RASSF3: variants seen among roughly 807,000 people sequenced by gnomAD.
RASSF3 encodes the protein Ras association domain family member 3.
In RASSF3, 19 loss-of-function variants were observed where a neutral mutation model predicts 19.9. The ratio of observed to expected loss-of-function variants is 0.96; its 90% CI spans 0.67 to 1.40. The LOEUF (loss-of-function observed/expected upper bound fraction) is 1.40, where lower values mean the gene tolerates loss of function less well. Ranked by LOEUF, RASSF3 falls within the 40% of genes most tolerant of loss-of-function variation. The pLI is 0.00. For missense variants in RASSF3, 306 were observed against 289.8 expected, an observed-to-expected ratio of 1.06 and a Z score of -0.41; for synonymous variants, 110 against 104.2, an observed-to-expected ratio of 1.06 and a Z score of -0.34.
At chr12:64,582,951 A>G (rs1869728337) in intron 2 of RASSF3, among the ~76,000 whole-genome samples, 1 of 152,168 alleles carries the variant, frequency 6.6e-6, no homozygotes, top group South Asian at 2.1e-4. Context: ...CTACTTACTC[A>G]TTTTGAAGTA....
chr12:64,608,827 C>A (rs984740645), upstream of RASSF3, among the ~76,000 whole-genome samples: 1 of 152,178 alleles, frequency 6.6e-6, no homozygotes, highest in Non-Finnish European at 1.5e-5. Context: ...TATTCTCCTA[C>A]ATTAGATTAT....
intron 2 of RASSF3, among the ~76,000 whole-genome samples, chr12:64,590,113 T>C (rs568624902): frequency 1.7e-4 from 26 of 150,258 alleles, no homozygotes; most frequent in Non-Finnish European, 3.4e-4. Flanking sequence ...GGTGTGCACC[T>C]GTAGTCTCAG....
Position 64,688,365 on chromosome 12 carries a change from A to G in RASSF3, c.369A>G (p.Glu123=), listed in dbSNP as rs1301421397. The G allele has an allele frequency of 6.2e-7, 1 of 1,614,222 alleles. No individual in the cohort carries two copies. Residue 123 remains glutamate, a synonymous_variant, in exon 3 of 5, where the codon GAA becomes GAG. Coordinates refer to ENST00000542104, the MANE Select transcript of RASSF3 (RefSeq NM_178169.4). ...LHISSTNTVG[E]VIEALLKKFL... is the part of the protein sequence containing the mutation. ...TCAGCAGCACAAACACTGTCGGGGA[A>G]GTGATCGAGGCCCTGCTCAAAAAGT...
At chr12:64,600,407 G>A (rs1565846732) in intron 2 of RASSF3, among the ~76,000 whole-genome samples, 1 of 152,114 alleles carries the variant, frequency 6.6e-6, no homozygotes, top group Non-Finnish European at 1.5e-5. Flanking sequence ...ACTTTAATGA[G>A]CAAACTCATT....
At chr12:64,544,601 G>C (rs1017814203), downstream of RASSF3, among the ~76,000 whole-genome samples, 7 of 149,130 alleles carry the variant, frequency 4.7e-5, no homozygotes, top group African/African-American at 1.2e-4. Flanking sequence ...CTGGGCAACA[G>C]AGTGAGACCC....
At chr12:64,587,423 C>T (rs1300097164) in intron 2 of RASSF3, among the ~76,000 whole-genome samples, 1 of 152,064 alleles carries the variant, frequency 6.6e-6, no homozygotes, top group Non-Finnish European at 1.5e-5. Flanking sequence ...TTAAATTTTT[C>T]TTTTCCCTAA....
intron 1 of RASSF3, among the ~76,000 whole-genome samples, chr12:64,644,300 G>A (rs1871651458): frequency 1.3e-5 from 2 of 152,122 alleles, no homozygotes; most frequent in African/African-American, 4.8e-5. Context: ...AAGAGTGATG[G>A]CCTAGAGCGT....
At chr12:64,528,773 C>T (rs1357365462), upstream of RASSF3, among the ~76,000 whole-genome samples, 4 of 152,220 alleles carry the variant, frequency 2.6e-5, no homozygotes, top group Admixed American at 2.6e-4. Context: ...AGGCCCAGCC[C>T]TAGCACTGCC....
At chr12:64,600,911 T>G (rs1870080053) in intron 2 of RASSF3, among the ~76,000 whole-genome samples, 1 of 152,222 alleles carries the variant, frequency 6.6e-6, no homozygotes, top group South Asian at 2.1e-4. Flanking sequence ...TCTCCTTTCT[T>G]CAGTCTTCTC....
At chr12:64,584,540 G>A (rs1161220003) in intron 2 of RASSF3, among the ~76,000 whole-genome samples, 3 of 148,334 alleles carry the variant, frequency 2.0e-5, no homozygotes, top group Non-Finnish European at 3.0e-5. Flanking sequence ...GAAAGTCAGT[G>A]CTCTATTTCT....
intron 1 of RASSF3, among the ~76,000 whole-genome samples, chr12:64,513,068 T>G (rs1868338023): frequency 6.6e-6 from 1 of 152,024 alleles, no homozygotes; most frequent in South Asian, 2.1e-4. Flanking sequence ...TATTCAAGCA[T>G]AGACAGGGCT....
intron 1 of RASSF3, among the ~76,000 whole-genome samples, chr12:64,635,267 A>G (rs1871296324): frequency 6.6e-6 from 1 of 151,878 alleles, no homozygotes; most frequent in African/African-American, 2.4e-5. Context: ...GTTTTTTCAT[A>G]ATATTCATTT....
intron 1 of RASSF3, among the ~76,000 whole-genome samples, chr12:64,652,510 A>G (rs1871997240): frequency 6.7e-6 from 1 of 148,832 alleles, no homozygotes; most frequent in African/African-American, 2.5e-5. Flanking sequence ...AGCTTGGACC[A>G]GGCTTGGCTC....
intron 1 of RASSF3, among the ~76,000 whole-genome samples, chr12:64,650,660 C>T (rs1871918693): frequency 6.6e-6 from 1 of 151,974 alleles, no homozygotes; most frequent in Non-Finnish European, 1.5e-5. Context: ...TGTGATCTGC[C>T]CGCCTTGGAC....
intron 4 of RASSF3, among the ~76,000 whole-genome samples, chr12:64,693,764 A>G (rs1012036888): frequency 6.6e-6 from 1 of 152,230 alleles, no homozygotes; most frequent in Admixed American, 6.5e-5. Flanking sequence ...CTAAATAAGT[A>G]CTAGGAGCTG....
At chr12:64,612,949 G>C (rs1592419323) in intron 1 of RASSF3, among the ~76,000 whole-genome samples, 1 of 152,166 alleles carries the variant, frequency 6.6e-6, no homozygotes, top group East Asian at 1.9e-4. Flanking sequence ...AGCTTCATAT[G>C]TGTATTTGAA....
chr12:64,633,636 CTT>C (rs1363211828), intron 1 of RASSF3, among the ~76,000 whole-genome samples: 3 of 152,132 alleles, frequency 2.0e-5, no homozygotes, highest in Non-Finnish European at 4.4e-5. Flanking sequence ...CTCAGATACT[CTT>C]TTATAGCAAT....
intron 2 of RASSF3, among the ~76,000 whole-genome samples, chr12:64,583,494 C>A (rs866614440): frequency 6.6e-6 from 1 of 152,100 alleles, no homozygotes; most frequent in Non-Finnish European, 1.5e-5. Flanking sequence ...TGGTAGCGTG[C>A]GCCTGTAGTT....
At chr12:64,552,929 G>A (rs1382680961) in intron 2 of RASSF3, among the ~76,000 whole-genome samples, 3 of 151,990 alleles carry the variant, frequency 2.0e-5, no homozygotes, top group Non-Finnish European at 2.9e-5. Context: ...AGCAACTTGG[G>A]GCCGGGCTCG....
Sources: gnomAD v4.1 joint callset for allele counts (sites outside exome capture counted in the v4.1 genomes callset) on GRCh38, gnomAD v4.1.1 for gene constraint, MANE v1.5 for transcripts, NCBI Gene and HGNC (gene_info 2026-07-23, HGNC 2026-07-21) for gene names.